MALRD1: variants seen among roughly 807,000 people sequenced by gnomAD.
MALRD1 encodes the protein MAM and LDL receptor class A domain containing 1.
In MALRD1, 247 loss-of-function variants were observed where a neutral mutation model predicts 242.1. The ratio of observed to expected loss-of-function variants is 1.02; its 90% CI spans 0.92 to 1.13. The LOEUF is 1.13. Among genes scored for constraint, MALRD1 ranks in the 50% most tolerant of loss-of-function variants. The pLI, the probability that MALRD1 is intolerant of heterozygous loss-of-function variation, is 0.00. For missense variants in MALRD1, 2,989 were observed against 2,533.1 expected, an observed-to-expected ratio of 1.18 and a Z score of -3.86; for synonymous variants, 995 against 866.6, an observed-to-expected ratio of 1.15 and a Z score of -2.60.
intron 32 of MALRD1, among the ~76,000 whole-genome samples, chr10:19,533,354 G>A (rs1834513593): frequency 6.6e-6 from 1 of 152,118 alleles, no homozygotes; most frequent in African/African-American, 2.4e-5. Context: ...TCTACTCTGG[G>A]AAGTTTTCAG....
intron 36 of MALRD1, among the ~76,000 whole-genome samples, chr10:19,619,966 G>A (rs1049085477): frequency 2.0e-5 from 3 of 151,678 alleles, no homozygotes; most frequent in South Asian, 4.2e-4. Flanking sequence ...GCAATGAGTC[G>A]TGATCGTGCC....
intron 7 of MALRD1, among the ~76,000 whole-genome samples, chr10:19,126,736 C>T (rs1399103066): frequency 1.3e-5 from 2 of 150,898 alleles, no homozygotes; most frequent in African/African-American, 4.9e-5. Flanking sequence ...TTGGGGGTAG[C>T]AGTAATATTA....
intron 18 of MALRD1, among the ~76,000 whole-genome samples, chr10:19,233,296 G>A (rs1418605776): frequency 6.6e-6 from 1 of 152,166 alleles, no homozygotes; most frequent in African/African-American, 2.4e-5. Context: ...GAGGTCAGGA[G>A]TTTGAGAACA....
chr10:19,283,225 A>T (rs780921058), intron 21 of MALRD1, 44 bp downstream of exon 21: 2 of 1,372,134 alleles, frequency 1.5e-6, no homozygotes, highest in South Asian at 3.7e-5. Context: ...GGAAATATTT[A>T]TTAAGCATCT....
intron 27 of MALRD1, 116 bp from the exon 28 acceptor site, chr10:19,389,336 C>G (rs1846233731): frequency 8.9e-7 from 1 of 1,127,590 alleles, no homozygotes; most frequent in Non-Finnish European, 1.3e-6. Context: ...AATGAAAATA[C>G]TTTTGGCAGC....
At chr10:19,058,642 C>T (rs1412011813) in intron 1 of MALRD1, among the ~76,000 whole-genome samples, 1 of 152,032 alleles carries the variant, frequency 6.6e-6, no homozygotes, top group Non-Finnish European at 1.5e-5. Context: ...CAATATAGCA[C>T]ACCAATAATT....
intron 32 of MALRD1, among the ~76,000 whole-genome samples, chr10:19,535,542 CATAT>C (rs1206879402): frequency 2.0e-5 from 3 of 147,586 alleles, no homozygotes; most frequent in Non-Finnish European, 4.5e-5. Flanking sequence ...TATACATATA[CATAT>C]ATATACACAT....
chr10:19,720,095 G>T (rs185841659), intron 38 of MALRD1, among the ~76,000 whole-genome samples: 1 of 152,212 alleles, frequency 6.6e-6, no homozygotes, highest in East Asian at 1.9e-4. Flanking sequence ...ACACTGCAAT[G>T]ATGTAAATTA....
rs569411782 is a variant in MALRD1 at position 19,664,268 on chromosome 10, GTTAAT to G, written c.6138-28008_6138-28004del. On this transcript the variant is annotated intron_variant, in intron 36 of 39. Transcript: ENST00000454679. ...TTCCATCTACTTGCTAATTTAGATT[GTTAAT>G]TTAATGATTAATTAGATCTAATTTA... Among the ~76,000 whole-genome samples the G allele has an allele frequency of 2.6e-4, 40 of 152,076 alleles. No homozygotes were observed. In the East Asian group the frequency reaches 6.6e-3, roughly 25 times the overall value.
intron 36 of MALRD1, among the ~76,000 whole-genome samples, chr10:19,653,080 A>G (rs888024388): frequency 5.3e-5 from 8 of 152,182 alleles, no homozygotes; most frequent in South Asian, 2.1e-4. Flanking sequence ...CTAGCAGTCT[A>G]TTGTACAAAT....
At chr10:19,384,898 G>T (rs1340990450) in intron 26 of MALRD1, among the ~76,000 whole-genome samples, 1 of 150,914 alleles carries the variant, frequency 6.6e-6, no homozygotes, top group Admixed American at 6.6e-5. Context: ...TGTTTTATTT[G>T]AGCTTTTTAT....
At chr10:19,056,721 C>T (rs888693182) in intron 1 of MALRD1, among the ~76,000 whole-genome samples, 2 of 152,176 alleles carry the variant, frequency 1.3e-5, no homozygotes, top group African/African-American at 4.8e-5. Flanking sequence ...CAGTTCTATG[C>T]TGAAAATTGG....
At chr10:19,489,533 G>A (rs1837388652) in intron 29 of MALRD1, 2 of 575,242 alleles carry the variant, frequency 3.5e-6, no homozygotes, top group South Asian at 3.0e-5. Flanking sequence ...AAGAAGGAGG[G>A]AATCCCATCT....
chr10:19,369,577 G>T (rs1845277258), intron 26 of MALRD1, among the ~76,000 whole-genome samples: 1 of 148,648 alleles, frequency 6.7e-6, no homozygotes, highest in Admixed American at 6.8e-5. Flanking sequence ...GCAAATATGT[G>T]AATATATCCA....
At chr10:19,308,327 T>C (rs1386020371) in intron 21 of MALRD1, among the ~76,000 whole-genome samples, 1 of 151,498 alleles carries the variant, frequency 6.6e-6, no homozygotes, top group Admixed American at 6.6e-5. Flanking sequence ...GGCTTTGCAT[T>C]GGGAACATTC....
intron 18 of MALRD1, among the ~76,000 whole-genome samples, chr10:19,240,460 T>A (rs1838712769): frequency 6.6e-6 from 1 of 152,066 alleles, no homozygotes; most frequent in African/African-American, 2.4e-5. Flanking sequence ...TATATCTATA[T>A]GATCATATAT....
At chr10:19,629,764 T>A (rs1353200260) in intron 36 of MALRD1, among the ~76,000 whole-genome samples, 2 of 152,132 alleles carry the variant, frequency 1.3e-5, no homozygotes, top group Admixed American at 6.5e-5. Context: ...CAGACTGAAT[T>A]TCACAATTTC....
intron 21 of MALRD1, among the ~76,000 whole-genome samples, chr10:19,300,752 G>A (rs2499087): frequency 0.46 from 69,351 of 151,756 alleles, 16,019 homozygotes; most frequent in South Asian, 0.61. Flanking sequence ...TAAAACTATA[G>A]AATCCTTAGA....
At chr10:19,218,976 C>G (rs1837445684) in intron 18 of MALRD1, among the ~76,000 whole-genome samples, 1 of 151,844 alleles carries the variant, frequency 6.6e-6, no homozygotes, top group Non-Finnish European at 1.5e-5. Context: ...TTTTAGTAAT[C>G]TAATTATTTT....
Sources: allele counts gnomAD v4.1 joint callset (sites outside exome capture counted in the v4.1 genomes callset), GRCh38; gene constraint gnomAD v4.1.1; transcripts MANE v1.5; gene names NCBI Gene and HGNC (gene_info 2026-07-23, HGNC 2026-07-21).